The following PHACTR2 variants were observed in gnomAD, a reference collection of about 807,000 sequenced individuals.
PHACTR2 encodes chromosome 6 open reading frame 56.
PHACTR2 carries 30 observed loss-of-function variants against 76.0 expected under a neutral mutation model. That is an observed-to-expected ratio of 0.39 (90% CI 0.30 to 0.54). The LOEUF (loss-of-function observed/expected upper bound fraction) is 0.54, where lower values mean the gene tolerates loss of function less well. Ranked by LOEUF, PHACTR2 falls within the 20% of genes least tolerant of loss-of-function variation. The pLI is 0.61. For missense variants in PHACTR2, 696 were observed against 781.1 expected, an observed-to-expected ratio of 0.89 and a Z score of 1.30; for synonymous variants, 292 against 292.5, an observed-to-expected ratio of 1.00 and a Z score of 0.02.
In PHACTR2 at chr6:143,546,319, T is replaced by C. The variant is rs1584050829; in HGVS notation, c.217+9112T>C. Among the ~76,000 whole-genome samples the C allele has an allele frequency of 6.6e-6, 1 of 151,828 alleles. No homozygotes were observed. Among genetic ancestry groups the C allele is most frequent in the African/African-American group, 2.4e-5 (1 of 41,366 alleles). On this transcript the variant is annotated intron_variant, in intron 1 of 11. Transcript: ENST00000367584. The surrounding 1 kb of genome is among the most constrained non-coding windows in gnomAD (Gnocchi z 4.9). ...CTGTGAAGTCTTGAGAAAGAGTAGCTATTGCTTATCCCTCGTAACAGGAAG... is the reference window on the plus strand; with the variant it reads ...CTGTGAAGTCTTGAGAAAGAGTAGCCATTGCTTATCCCTCGTAACAGGAAG...
In PHACTR2 at chr6:143,710,753, A is replaced by G. The variant is rs1441308021; in HGVS notation, c.47-1263A>G. Reference sequence around the variant, plus strand: ...TGGAAGCAGAAGTCCTTGCTCTTCAATTTTTGTTTTTATTTGTTTTACTAT... The same window carrying G: ...TGGAAGCAGAAGTCCTTGCTCTTCAGTTTTTGTTTTTATTTGTTTTACTAT... On this transcript the variant is annotated intron_variant, in intron 1 of 12. Transcript: ENST00000440869. The surrounding 1 kb of genome is among the most constrained non-coding windows in gnomAD (Gnocchi z 4.9). Among the ~76,000 whole-genome samples the G allele has an allele frequency of 6.6e-6, 1 of 152,212 alleles. No individual in the cohort carries two copies. Among genetic ancestry groups the G allele is most frequent in the Non-Finnish European group, 1.5e-5 (1 of 68,030 alleles).
chr6:143,623,978 G>A lies in PHACTR2; in HGVS notation c.13+15656G>A, dbSNP rs1776207412. ...GGGTCCCTACCCCAGAGTAACTTGG[G>A]GTGAGTGATATGAAGACCCTGCCTC... On this transcript the variant is annotated intron_variant, in intron 1 of 11. Coordinates refer to the PHACTR2 transcript ENST00000305766. The surrounding 1 kb of genome is among the most constrained non-coding windows in gnomAD (Gnocchi z 5.9). Among the ~76,000 whole-genome samples, 1 of 152,108 alleles carries A rather than the reference G, an allele frequency of 6.6e-6. No individual in the cohort carries two copies. Among genetic ancestry groups the A allele is most frequent in the Non-Finnish European group, 1.5e-5 (1 of 68,018 alleles).
chr6:143,795,976 T>A lies in PHACTR2; in HGVS notation c.1845+7066T>A, dbSNP rs1775812070. Among the ~76,000 whole-genome samples the A allele has an allele frequency of 6.6e-6, 1 of 152,148 alleles. No homozygotes were observed. The highest frequency in any genetic ancestry group is 6.6e-5 in the Admixed American group (1 of 15,266). On this transcript the variant is annotated intron_variant, in intron 11 of 12. Transcript: ENST00000440869. The surrounding 1 kb of genome is among the most constrained non-coding windows in gnomAD (Gnocchi z 4.8). ...TATCCAGTGAAAGAGAGTGTAGAATTTTTTCAGATGAGATGTGCTTTTGTC... is the reference window on the plus strand; with the variant it reads ...TATCCAGTGAAAGAGAGTGTAGAATATTTTCAGATGAGATGTGCTTTTGTC...
chr6:143,750,669 T>C lies in PHACTR2; in HGVS notation c.295+1604T>C, dbSNP rs996849497. Among the ~76,000 whole-genome samples the C allele has an allele frequency of 4.6e-5, 7 of 152,302 alleles. No individual in the cohort carries two copies. In the East Asian group the frequency reaches 1.3e-3, roughly 29 times the overall value. On this transcript the variant is annotated intron_variant, in intron 3 of 12. Transcript: ENST00000440869. This position sits in a 1 kb window ranked among gnomAD's most constrained non-coding sequence, Gnocchi z 4.6. ...AGTAGCAATAGTCAATTTAAAGAAATGATTTTTATTCTGCCGAATCTGTGA... is the reference window on the plus strand; with the variant it reads ...AGTAGCAATAGTCAATTTAAAGAAACGATTTTTATTCTGCCGAATCTGTGA...
upstream of PHACTR2, among the ~76,000 whole-genome samples, chr6:143,677,055 C>T (rs947116058): frequency 3.3e-5 from 5 of 152,104 alleles, no homozygotes; most frequent in Admixed American, 2.0e-4. Flanking sequence ...ATATATTGCA[C>T]TTTCTGATAT....
chr6:143,700,190 G>A lies in PHACTR2; in HGVS notation c.47-11826G>A, dbSNP rs1777874154. ...AATGTGTTATTTTAATAATATTTGT[G>A]TTACATTCATCCTCAATGGGAATTT... is the stretch of plus-strand genomic sequence containing the variant. On this transcript the variant is annotated intron_variant, in intron 1 of 12. Transcript: ENST00000440869. This position sits in a 1 kb window ranked among gnomAD's most constrained non-coding sequence, Gnocchi z 4.1. Among the ~76,000 whole-genome samples, 2 of 152,118 alleles carry A rather than the reference G, an allele frequency of 1.3e-5. No homozygotes were observed. Among genetic ancestry groups the A allele is most frequent in the African/African-American group, 4.8e-5 (2 of 41,404 alleles).
In PHACTR2 at chr6:143,618,092, G is replaced by A. The variant is rs1398783720; in HGVS notation, c.13+9770G>A. On this transcript the variant is annotated intron_variant, in intron 1 of 11. Transcript: ENST00000305766. This position sits in a 1 kb window ranked among gnomAD's most constrained non-coding sequence, Gnocchi z 5.2. Reference sequence around the variant, plus strand: ...CATTATTAGACCCCCAAATAGCACTGCTATGATTTAATCATCACTAACTGT... The same window carrying A: ...CATTATTAGACCCCCAAATAGCACTACTATGATTTAATCATCACTAACTGT... Among the ~76,000 whole-genome samples the A allele has an allele frequency of 6.6e-6, 1 of 152,134 alleles. No individual in the cohort carries two copies. Among genetic ancestry groups the A allele is most frequent in the East Asian group, 1.9e-4 (1 of 5,198 alleles).
rs1324256170 is a variant in PHACTR2 at position 143,583,375 on chromosome 6, C to A, written c.217+46168C>A. 3.3e-5 allele frequency among the ~76,000 whole-genome samples: 5 copies of A among 152,250 alleles called. No individual in the cohort carries two copies. The highest frequency in any genetic ancestry group is 1.5e-5 in the Non-Finnish European group (1 of 68,046). The stretch of plus-strand genomic sequence containing the variant: ...GAACCGTTTACAATGACAATATGAT[C>A]CCTTTCTCACTTTTATGATTGGTAA... On this transcript the variant is annotated intron_variant, in intron 1 of 11. Transcript: ENST00000367584. The surrounding 1 kb of genome is among the most constrained non-coding windows in gnomAD (Gnocchi z 4.0).
rs1305613494 is a variant in PHACTR2, at chr6:143,816,430, T to A, written c.1923-7244T>A. ...ATAAAAGTGTCATTTTCAGATTGGA[T>A]AGAGCAGGAAAATATATGGCTTTTG... On this transcript the variant is annotated intron_variant, in intron 12 of 12. Transcript: ENST00000440869. This position sits in a 1 kb window ranked among gnomAD's most constrained non-coding sequence, Gnocchi z 4.5. Among the ~76,000 whole-genome samples, 2 of 152,198 alleles carry A rather than the reference T, an allele frequency of 1.3e-5. No individual in the cohort carries two copies. Among genetic ancestry groups the A allele is most frequent in the African/African-American group, 4.8e-5 (2 of 41,442 alleles).
intron 4 of PHACTR2, among the ~76,000 whole-genome samples, chr6:143,756,626 G>A (rs1268408306): frequency 6.6e-6 from 1 of 151,490 alleles, no homozygotes; most frequent in Non-Finnish European, 1.5e-5. Context: ...GTGAACCCGG[G>A]AGGCGGAGCT....
rs1776530491 is a variant in PHACTR2, at chr6:143,639,645, C to T, written c.13+31323C>T. Among the ~76,000 whole-genome samples the T allele has an allele frequency of 6.6e-6, 1 of 152,048 alleles. No individual in the cohort carries two copies. The highest frequency in any genetic ancestry group is 2.4e-5 in the African/African-American group (1 of 41,412). ...CCCTTTGATGATGGATTAGCATACC[C>T]CATCATGAGTAAGGATAGCGATGGT... On this transcript the variant is annotated intron_variant, in intron 1 of 11. Transcript: ENST00000305766. This position sits in a 1 kb window ranked among gnomAD's most constrained non-coding sequence, Gnocchi z 5.0.
chr6:143,799,028 G>A (rs1475780412), intron 11 of PHACTR2, among the ~76,000 whole-genome samples: 1 of 152,082 alleles, frequency 6.6e-6, no homozygotes, highest in Non-Finnish European at 1.5e-5. Flanking sequence ...GACTCTTTTT[G>A]GTTGGTAGAC....
At chr6:143,540,233 C>T (rs1781160285) in intron 1 of PHACTR2, among the ~76,000 whole-genome samples, 1 of 152,064 alleles carries the variant, frequency 6.6e-6, no homozygotes, top group African/African-American at 2.4e-5. Context: ...TGCTGTGGGT[C>T]CTTAGAAGAG....
rs1416823647 is a variant in PHACTR2 at position 143,777,432 on chromosome 6, C to A, written c.1645+49C>A. 6.2e-6 allele frequency: 6 copies of A among 974,526 alleles called. No homozygotes were observed. The Admixed American group carries it at 6.4e-5, about 10-fold the overall frequency. The allele number at this position is 974,526 out of a possible 1,614,324, so 60.4% of individuals were successfully genotyped here. ...GATTCCTTGTGTAATCGCTAACAAGCTGCCTCTACAGATGATCGATTTATC... is the reference window on the plus strand; with the variant it reads ...GATTCCTTGTGTAATCGCTAACAAGATGCCTCTACAGATGATCGATTTATC... On this transcript the variant is annotated intron_variant, in intron 9 of 12. Coordinates refer to ENST00000440869, the MANE Select transcript of PHACTR2 (RefSeq NM_001100164.2). This position sits in a 1 kb window ranked among gnomAD's most constrained non-coding sequence, Gnocchi z 4.6.
intron 1 of PHACTR2, among the ~76,000 whole-genome samples, chr6:143,609,009 T>C (rs1201187477): frequency 6.6e-6 from 1 of 152,216 alleles, no homozygotes; most frequent in African/African-American, 2.4e-5. Flanking sequence ...GGAGATATAC[T>C]GTGAGATCAT....
At chr6:143,714,484 G>A (rs946290054) in intron 2 of PHACTR2, among the ~76,000 whole-genome samples, 1 of 152,198 alleles carries the variant, frequency 6.6e-6, no homozygotes. Flanking sequence ...GGTCCCATTC[G>A]TGGCCAGTTT....
chr6:143,778,858 C>G (rs1775348079), intron 9 of PHACTR2, among the ~76,000 whole-genome samples: 1 of 152,156 alleles, frequency 6.6e-6, no homozygotes, highest in African/African-American at 2.4e-5. Flanking sequence ...TGCCAAACCA[C>G]AATGGAGTTT....
Position 143,578,018 on chromosome 6 carries a change from C to T in PHACTR2, c.217+40811C>T, listed in dbSNP as rs1775532849. ...AAATCTGGTCCAAGACACTCTATCC[C>T]CCGTTCGTTTGCCAACACCTGTGAG... On this transcript the variant is annotated intron_variant, in intron 1 of 11. Coordinates refer to the PHACTR2 transcript ENST00000367584. The surrounding 1 kb of genome is among the most constrained non-coding windows in gnomAD (Gnocchi z 4.5). Among the ~76,000 whole-genome samples, 1 of 152,144 alleles carries T rather than the reference C, an allele frequency of 6.6e-6. No individual in the cohort carries two copies. The highest frequency in any genetic ancestry group is 6.5e-5 in the Admixed American group (1 of 15,270).
rs1775434057 is a variant in PHACTR2, at chr6:143,570,434, C to T, written c.217+33227C>T. Among the ~76,000 whole-genome samples, 1 of 152,154 alleles carries T rather than the reference C, an allele frequency of 6.6e-6. No individual in the cohort carries two copies. The highest frequency in any genetic ancestry group is 2.4e-5 in the African/African-American group (1 of 41,440). On this transcript the variant is annotated intron_variant, in intron 1 of 11. Coordinates refer to the PHACTR2 transcript ENST00000367584. This position sits in a 1 kb window ranked among gnomAD's most constrained non-coding sequence, Gnocchi z 4.6. ...GTGAGATGAGGAGTAACACACTTGC[C>T]AGTGACATGGAAGTAAATATTATTG...
Sources: allele counts gnomAD v4.1 joint callset (sites outside exome capture counted in the v4.1 genomes callset), GRCh38; gene constraint gnomAD v4.1.1; non-coding constraint Gnocchi (gnomAD v3.1); transcripts MANE v1.5; gene names NCBI Gene and HGNC (gene_info 2026-07-23, HGNC 2026-07-21).